The following ENOX1 variants were observed in gnomAD, a reference collection of about 807,000 sequenced individuals.
ENOX1 encodes the protein candidate growth-related and time keeping constitutive hydroquinone (NADH) oxidase.
A neutral mutation model predicts 82.5 loss-of-function variants in ENOX1; 42 were observed. The ratio of observed to expected loss-of-function variants is 0.51; its 90% CI spans 0.40 to 0.66. ENOX1 has a LOEUF of 0.66. Ranked by LOEUF, ENOX1 falls within the 30% of genes least tolerant of loss-of-function variation. The pLI is 0.00. For missense variants in ENOX1, 608 were observed against 811.6 expected (o/e 0.75, Z 3.05); for synonymous variants, 271 against 282.2 (o/e 0.96, Z 0.40).
intron 2 of ENOX1, among the ~76,000 whole-genome samples, chr13:43,552,638 C>T (rs986631339): frequency 4.6e-5 from 7 of 152,144 alleles, no homozygotes; most frequent in African/African-American, 1.2e-4. Context: ...ATGGTAGGCA[C>T]TCCTGGGTAT....
chr13:43,257,237 T>C (rs1473277518), intron 14 of ENOX1, among the ~76,000 whole-genome samples: 2 of 152,124 alleles, frequency 1.3e-5, no homozygotes, highest in Non-Finnish European at 2.9e-5. Context: ...GTTCAGTAGG[T>C]TGACAAGAGT....
chr13:43,562,845 T>A (rs956402782), intron 2 of ENOX1, among the ~76,000 whole-genome samples: 9 of 152,050 alleles, frequency 5.9e-5, no homozygotes. Flanking sequence ...CAAGAGGATA[T>A]AACAATTTTA....
At chr13:43,452,115 C>A (rs2056999718) in intron 3 of ENOX1, among the ~76,000 whole-genome samples, 1 of 152,082 alleles carries the variant, frequency 6.6e-6, no homozygotes, top group Non-Finnish European at 1.5e-5. Flanking sequence ...TACAGATCTA[C>A]CTCTTTCTTT....
chr13:43,474,428 C>T (rs2058196808), intron 3 of ENOX1, among the ~76,000 whole-genome samples: 1 of 152,144 alleles, frequency 6.6e-6, no homozygotes, highest in Non-Finnish European at 1.5e-5. Context: ...ATTAAGAGCA[C>T]ACTTGAAATT....
chr13:43,255,305 T>A (rs1253157368), intron 14 of ENOX1, among the ~76,000 whole-genome samples: 1 of 151,976 alleles, frequency 6.6e-6, no homozygotes, highest in Non-Finnish European at 1.5e-5. Context: ...AAAATAATAA[T>A]GACCATATAT....
chr13:43,663,247 C>T (rs956634467), intron 2 of ENOX1, among the ~76,000 whole-genome samples: 1 of 152,114 alleles, frequency 6.6e-6, no homozygotes, highest in African/African-American at 2.4e-5. Context: ...TGAAGACATA[C>T]AAAAGAAGCT....
At chr13:43,713,721 C>G (rs2087901875) in intron 1 of ENOX1, among the ~76,000 whole-genome samples, 1 of 151,802 alleles carries the variant, frequency 6.6e-6, no homozygotes, top group Non-Finnish European at 1.5e-5. Flanking sequence ...GTAGTATTCT[C>G]TGATGGTAGT....
At chr13:43,748,407 A>G (rs181918789) in intron 1 of ENOX1, among the ~76,000 whole-genome samples, 119 of 152,338 alleles carry the variant, frequency 7.8e-4, no homozygotes, top group African/African-American at 2.9e-3. Context: ...AATCATTCTG[A>G]TATGTAGGAA....
intron 2 of ENOX1, among the ~76,000 whole-genome samples, chr13:43,642,979 G>C (rs191732825): frequency 4.8e-4 from 73 of 151,964 alleles, no homozygotes; most frequent in Non-Finnish European, 9.1e-4. Flanking sequence ...AAAACTAAGA[G>C]GAAGAAACAG....
intron 1 of ENOX1, among the ~76,000 whole-genome samples, chr13:43,733,695 A>T (rs1026409631): frequency 1.4e-4 from 21 of 152,204 alleles, no homozygotes; most frequent in African/African-American, 5.1e-4. Flanking sequence ...GACATAAAAA[A>T]AAGCTTGAGT....
At chr13:43,263,668 T>C (rs540479284) in intron 14 of ENOX1, among the ~76,000 whole-genome samples, 15 of 152,356 alleles carry the variant, frequency 9.8e-5, no homozygotes, top group Non-Finnish European at 2.2e-4. Flanking sequence ...TACTTCCACA[T>C]ACATTCTCTC....
chr13:43,762,423 TTTC>T (rs148536884), intron 1 of ENOX1, among the ~76,000 whole-genome samples: 8,004 of 152,270 alleles, frequency 0.053, 204 homozygotes, highest in African/African-American at 0.076. Flanking sequence ...CAGATTTGAG[TTTC>T]TTATCAATTT....
chr13:43,527,685 C>A (rs781409430), intron 2 of ENOX1, among the ~76,000 whole-genome samples: 8 of 152,020 alleles, frequency 5.3e-5, no homozygotes, highest in African/African-American at 1.4e-4. Flanking sequence ...GAAGAAAAAT[C>A]TGATATAATG....
chr13:43,297,494 T>C (rs2046343798), intron 12 of ENOX1, among the ~76,000 whole-genome samples: 1 of 152,210 alleles, frequency 6.6e-6, no homozygotes, highest in Non-Finnish European at 1.5e-5. Context: ...CCCATGATGA[T>C]AATATATGCT....
intron 9 of ENOX1, among the ~76,000 whole-genome samples, chr13:43,337,221 C>A (rs542220420): frequency 6.6e-6 from 1 of 152,286 alleles, no homozygotes; most frequent in Non-Finnish European, 1.5e-5. Context: ...GATTGGTCAA[C>A]AACCAATATT....
chr13:43,781,384 A>G (rs1473513868), intron 1 of ENOX1, among the ~76,000 whole-genome samples: 1 of 152,222 alleles, frequency 6.6e-6, no homozygotes, highest in Non-Finnish European at 1.5e-5. Flanking sequence ...CAGTGTAAAT[A>G]TGAAAATTTT....
chr13:43,714,209 T>C (rs1483558695), intron 1 of ENOX1, among the ~76,000 whole-genome samples: 2 of 152,168 alleles, frequency 1.3e-5, no homozygotes, highest in African/African-American at 2.4e-5. Context: ...TCAGTTTCCA[T>C]GTAGTTGAGT....
chr13:43,408,976 T>C (rs1204211611), intron 5 of ENOX1, among the ~76,000 whole-genome samples: 1 of 140,730 alleles, frequency 7.1e-6, no homozygotes, highest in East Asian at 2.1e-4. Context: ...ATGGAGTAGA[T>C]AAATATTTTT....
chr13:43,359,364 A>G (rs2050354765), intron 7 of ENOX1, among the ~76,000 whole-genome samples: 1 of 152,224 alleles, frequency 6.6e-6, no homozygotes, highest in Non-Finnish European at 1.5e-5. Flanking sequence ...TTGACACCAG[A>G]GGACAAGGCT....
Sources: allele counts gnomAD v4.1 joint callset (sites outside exome capture counted in the v4.1 genomes callset), GRCh38; gene constraint gnomAD v4.1.1; transcripts MANE v1.5; gene names NCBI Gene and HGNC (gene_info 2026-07-23, HGNC 2026-07-21).